The following EEFSEC variants were observed in gnomAD, a reference collection of about 807,000 sequenced individuals.
The protein encoded by EEFSEC is eukaryotic elongation factor, selenocysteine-tRNA specific.
Under a neutral mutation model 42.1 loss-of-function variants are expected in EEFSEC, and 43 were observed. The ratio of observed to expected loss-of-function variants is 1.02; its 90% CI spans 0.80 to 1.32. The LOEUF (loss-of-function observed/expected upper bound fraction) is 1.32, where lower values mean the gene tolerates loss of function less well. Among genes scored for constraint, EEFSEC ranks in the 40% most tolerant of loss-of-function variants. The pLI is 0.00. For synonymous variants in EEFSEC, 354 were observed against 339.1 expected, an observed-to-expected ratio of 1.04 and a Z score of -0.48; for missense variants, 745 against 803.6, an observed-to-expected ratio of 0.93 and a Z score of 0.88.
chr3:128,237,755 C>T lies in EEFSEC; in HGVS notation c.317-9081C>T, dbSNP rs72973455. Among the ~76,000 whole-genome samples, 317 of 152,242 alleles carry T rather than the reference C, an allele frequency of 2.1e-3. 1 individual carries two copies. The highest frequency in any genetic ancestry group is 7.3e-3 in the African/African-American group (303 of 41,524). On this transcript the variant is annotated intron_variant, in intron 1 of 6. Coordinates refer to ENST00000254730, the MANE Select transcript of EEFSEC (RefSeq NM_021937.5). ...TTTTTGCCTTGATGTCTTACATGGA[C>T]CTTCTTTGTTGTTCCTCCTGTTCCT...
At chr3:128,374,631 G>A (rs758604931) in intron 6 of EEFSEC, among the ~76,000 whole-genome samples, 28 of 152,144 alleles carry the variant, frequency 1.8e-4, no homozygotes, top group Middle Eastern at 3.4e-3. Flanking sequence ...TCACTGAGAC[G>A]TGATTTTCCT....
chr3:128,176,241 A>G (rs2065346755), intron 1 of EEFSEC, among the ~76,000 whole-genome samples: 1 of 152,022 alleles, frequency 6.6e-6, no homozygotes. Flanking sequence ...ACCACGTGTA[A>G]CATATGATTT....
chr3:128,262,260 C>T, intron 3 of EEFSEC, 36 bp downstream of exon 3: 3 of 1,586,886 alleles, frequency 1.9e-6, no homozygotes, highest in South Asian at 1.1e-5. Context: ...CCCTTTAGCC[C>T]CAGCGCTGCT....
intron 6 of EEFSEC, among the ~76,000 whole-genome samples, chr3:128,397,823 G>A (rs2067999998): frequency 6.6e-6 from 1 of 152,278 alleles, no homozygotes; most frequent in South Asian, 2.1e-4. Flanking sequence ...GAGCCCCAAG[G>A]GAAGGGGCCA....
At chr3:128,292,025 C>T (rs1197452335) in intron 4 of EEFSEC, among the ~76,000 whole-genome samples, 3 of 152,012 alleles carry the variant, frequency 2.0e-5, no homozygotes, top group Admixed American at 2.0e-4. Context: ...GCTTGTTCTG[C>T]TTCTATTAAA....
chr3:128,266,944 T>C (rs943678402), intron 4 of EEFSEC, among the ~76,000 whole-genome samples: 6 of 152,190 alleles, frequency 3.9e-5, no homozygotes, highest in Non-Finnish European at 8.8e-5. Flanking sequence ...ACTAAATTTC[T>C]TTCCAGTCTC....
chr3:128,232,516 A>G (rs529381715), intron 1 of EEFSEC, among the ~76,000 whole-genome samples: 188 of 152,322 alleles, frequency 1.2e-3, no homozygotes, highest in African/African-American at 4.2e-3. Context: ...AACATTTTCC[A>G]CAATCCTATT....
intron 6 of EEFSEC, among the ~76,000 whole-genome samples, chr3:128,407,706 A>G (rs774296528): frequency 6.6e-6 from 1 of 152,146 alleles, no homozygotes; most frequent in Non-Finnish European, 1.5e-5. Flanking sequence ...GAAGTGGAGA[A>G]TGGGTCTCCA....
chr3:128,192,559 C>T (rs372635968), intron 1 of EEFSEC, among the ~76,000 whole-genome samples: 3 of 152,182 alleles, frequency 2.0e-5, no homozygotes, highest in South Asian at 4.2e-4. Flanking sequence ...ACTTCACAAA[C>T]GTATTTTTAT....
chr3:128,419,387 G>A, the EEFSEC span, among the ~76,000 whole-genome samples: 229 of 152,314 alleles, frequency 1.5e-3, 1 homozygote, highest in Non-Finnish European at 7.6e-4. Context: ...CCTGAAAACA[G>A]GTGAAAAAAG....
intron 6 of EEFSEC, among the ~76,000 whole-genome samples, chr3:128,362,962 T>G (rs2067546185): frequency 6.6e-6 from 1 of 152,194 alleles, no homozygotes; most frequent in South Asian, 2.1e-4. Context: ...CACAAATTAA[T>G]GTACTCCAGA....
intron 4 of EEFSEC, among the ~76,000 whole-genome samples, chr3:128,334,638 G>A (rs1182990609): frequency 1.3e-5 from 2 of 152,232 alleles, no homozygotes; most frequent in East Asian, 3.8e-4. Flanking sequence ...CCCAGAGGAT[G>A]GCAAAGCTTC....
intron 4 of EEFSEC, among the ~76,000 whole-genome samples, chr3:128,325,909 A>T (rs1220463748): frequency 6.6e-6 from 1 of 152,238 alleles, no homozygotes; most frequent in Admixed American, 6.5e-5. Context: ...TCTTTTGCCT[A>T]TCCTAAATAA....
chr3:128,174,300 C>T (rs1293545618), intron 1 of EEFSEC, among the ~76,000 whole-genome samples: 1 of 152,232 alleles, frequency 6.6e-6, no homozygotes, highest in African/African-American at 2.4e-5. Flanking sequence ...ATACCTACAT[C>T]AGAGTTGAAT....
intron 1 of EEFSEC, among the ~76,000 whole-genome samples, chr3:128,245,499 A>T (rs763881025): frequency 3.3e-5 from 5 of 152,078 alleles, no homozygotes; most frequent in Non-Finnish European, 7.4e-5. Flanking sequence ...TGAGGAGAGG[A>T]GGCTGGACAG....
intron 6 of EEFSEC, among the ~76,000 whole-genome samples, chr3:128,406,212 G>A (rs1229512455): frequency 2.0e-5 from 3 of 152,232 alleles, no homozygotes; most frequent in East Asian, 3.8e-4. Flanking sequence ...CATGGAGGCT[G>A]CACCATGCTG....
At chr3:128,261,356 G>GT (rs2066294629) in intron 2 of EEFSEC, among the ~76,000 whole-genome samples, 2 of 152,168 alleles carry the variant, frequency 1.3e-5, no homozygotes, top group Non-Finnish European at 2.9e-5. Context: ...CATGTAAGTT[G>GT]TTATTGTTGT....
intron 4 of EEFSEC, among the ~76,000 whole-genome samples, chr3:128,279,739 C>A (rs946981247): frequency 6.6e-6 from 1 of 152,200 alleles, no homozygotes; most frequent in Non-Finnish European, 1.5e-5. Context: ...CCAGGCATGG[C>A]CCCCATTCAG....
chr3:128,373,356 C>A (rs1413825517), intron 6 of EEFSEC, among the ~76,000 whole-genome samples: 1 of 152,206 alleles, frequency 6.6e-6, no homozygotes, highest in African/African-American at 2.4e-5. Flanking sequence ...TCCACCTGGG[C>A]TCTCTCACCT....
Sources: allele counts gnomAD v4.1 joint callset (sites outside exome capture counted in the v4.1 genomes callset), GRCh38; gene constraint gnomAD v4.1.1; transcripts MANE v1.5; gene names NCBI Gene and HGNC (gene_info 2026-07-23, HGNC 2026-07-21).